Variants in FANCA observed in about 807,000 individuals in gnomAD.
FANCA encodes FA complementation group A, also known as Fanconi anemia group A protein.
FANCA carries 236 observed loss-of-function variants against 194.3 expected under a neutral mutation model. That is an observed-to-expected ratio of 1.21 (90% CI 1.09 to 1.35). The LOEUF is 1.35. Ranked by LOEUF, FANCA falls within the 40% of genes most tolerant of loss-of-function variation. The pLI, the probability that FANCA is intolerant of heterozygous loss-of-function variation, is 0.00. For synonymous variants in FANCA, 1,014 were observed against 715.8 expected (o/e 1.42, Z -6.65); for missense variants, 2,628 against 1,813.9 (o/e 1.45, Z -8.15).
intron 33 of FANCA, among the ~76,000 whole-genome samples, chr16:89,748,092 T>G (rs2038452865): frequency 6.6e-6 from 1 of 152,158 alleles, no homozygotes; most frequent in African/African-American, 2.4e-5. Context: ...TTCTATTTTT[T>G]GTAGAAACAG....
rs780135578 is a variant in FANCA at position 89,791,525 on chromosome 16, G to A, written c.1237C>T (p.Arg413Cys). ...AQQLLEDWVA[R>C]LMAQAFESCQ... ...CTCTCGAATGCCTGGGCCATCAAAC[G>A]CGCCACCCAGTCTAGTTAAGAACCA... Residue 413 changes from arginine to cysteine, a missense_variant, in exon 14 of 43, where the codon CGT becomes TGT. By Grantham distance (180) the Arg-to-Cys change is radical. Coordinates refer to ENST00000389301, the MANE Select transcript of FANCA (RefSeq NM_000135.4). 39 of 1,613,962 alleles carry A rather than the reference G, an allele frequency of 2.4e-5. No homozygotes were observed. The East Asian group carries it at 6.0e-4, about 25-fold the overall frequency.
intron 14 of FANCA, among the ~76,000 whole-genome samples, chr16:89,788,761 C>T (rs6500447): frequency 0.47 from 71,701 of 151,584 alleles, 19,666 homozygotes; most frequent in East Asian, 0.76. Context: ...GATCATGCCA[C>T]TGCACTCCAG....
At position 89,808,299 on chromosome 16, in the gene FANCA, C is replaced by T. The variant is rs1567650751; in HGVS notation, c.591G>A (p.Leu197=). The T allele has an allele frequency of 2.5e-6, 4 of 1,613,820 alleles. No individual in the cohort carries two copies. Among genetic ancestry groups the T allele is most frequent in the African/African-American group, 2.7e-5 (2 of 74,912 alleles). Reference sequence around the variant, plus strand: ...AATCATCATTAGCACGCTACCTTTCCAGCAGCTCTTGCAGGCTCACAATGC... The same window carrying T: ...AATCATCATTAGCACGCTACCTTTCTAGCAGCTCTTGCAGGCTCACAATGC... ...VQGIVSLQEL[L]ESHPDMHAVG... The change falls in exon 6 of 43, where the codon CTG becomes CTA. Residue 197 remains leucine (L), a synonymous_variant. Transcript: ENST00000389301.
At position 89,739,459 on chromosome 16, in the gene FANCA, GCCCTGTGGGTGGAGGTAC is replaced by G. The variant is rs752457319; in HGVS notation, c.4010+1_4010+18del. The stretch of plus-strand genomic sequence containing the variant: ...GGGAAACACTGCCCAGCCCTGACCA[GCCCTGTGGGTGGAGGTAC>G]CTGTAAAAAGCGAAAGGCAGCAGCC... On this transcript the variant is annotated splice_donor_variant and splice_donor_5th_base_variant and intron_variant, in intron 40 of 42. Transcript: ENST00000389301. LOFTEE classifies it high-confidence loss of function. 5.2e-6 allele frequency: 8 copies of G among 1,551,852 alleles called. No homozygotes were observed. The highest frequency in any genetic ancestry group is 7.0e-6 in the Non-Finnish European group (8 of 1,147,734).
At chr16:89,745,935 C>T (rs564381982) in intron 35 of FANCA, among the ~76,000 whole-genome samples, 4 of 152,188 alleles carry the variant, frequency 2.6e-5, no homozygotes, top group Admixed American at 2.6e-4. Flanking sequence ...AGCTACAACT[C>T]GGTGCAAATG....
intron 31 of FANCA, among the ~76,000 whole-genome samples, chr16:89,751,129 G>C (rs1008595301): frequency 6.6e-6 from 1 of 152,164 alleles, no homozygotes; most frequent in African/African-American, 2.4e-5. Context: ...CTGACCTCAA[G>C]TGATCTAGCC....
At chr16:89,763,778 CAA>C (rs767795513) in intron 28 of FANCA, among the ~76,000 whole-genome samples, 9 of 151,656 alleles carry the variant, frequency 5.9e-5, no homozygotes, top group Admixed American at 1.3e-4. Context: ...ACTAAAAATA[CAA>C]AACTTAGCCA....
chr16:89,768,839 C>G (rs1045908227), intron 26 of FANCA, among the ~76,000 whole-genome samples: 1 of 152,176 alleles, frequency 6.6e-6, no homozygotes, highest in South Asian at 2.1e-4. Context: ...CCTGTCTCCC[C>G]CAAGCCACCT....
intron 30 of FANCA, among the ~76,000 whole-genome samples, chr16:89,757,594 G>A (rs567168783): frequency 3.3e-5 from 5 of 152,272 alleles, no homozygotes; most frequent in Admixed American, 3.3e-4. Context: ...AGACATGGGG[G>A]GAAGCTGCAT....
rs947027155 is a variant in FANCA at position 89,745,131 on chromosome 16, C to T, written c.3514-60G>A. On this transcript the variant is annotated intron_variant, in intron 35 of 42. Transcript: ENST00000389301. ...GCTGAGATGGACACACCTCCGCTGCCCCAGCCATGACAAGCCCCCAGTGCT... is the reference window on the plus strand; with the variant it reads ...GCTGAGATGGACACACCTCCGCTGCTCCAGCCATGACAAGCCCCCAGTGCT... 2.4e-4 allele frequency: 363 copies of T among 1,482,612 alleles called. 1 individual carries two copies. The highest frequency in any genetic ancestry group is 3.2e-4 in the Non-Finnish European group (348 of 1,095,654). 91.8% of individuals were successfully genotyped at this position (1,482,612 alleles called of 1,614,324 possible). A position where few individuals can be genotyped will look rare whatever the true frequency, so the allele number is the denominator to read the frequency against.
At chr16:89,761,299 G>A (rs2038943584) in intron 29 of FANCA, among the ~76,000 whole-genome samples, 1 of 151,718 alleles carries the variant, frequency 6.6e-6, no homozygotes, top group Admixed American at 6.6e-5. Flanking sequence ...GGCGCCTGTA[G>A]TCCCAGCTAC....
At chr16:89,739,624 G>T in intron 39 of FANCA, 71 bp from the exon 40 acceptor site, 1 of 1,526,226 alleles carries the variant, frequency 6.6e-7, no homozygotes, top group Non-Finnish European at 8.9e-7. Context: ...GGACACCCCT[G>T]GGGGTCGGGA....
intron 3 of FANCA, among the ~76,000 whole-genome samples, chr16:89,812,658 A>ACAAAC (rs1323684535): frequency 7.4e-5 from 11 of 148,274 alleles, no homozygotes; most frequent in Admixed American, 4.7e-4. Flanking sequence ...AAAAAAAAAA[A>ACAAAC]AAAAAAAAAA....
intron 30 of FANCA, among the ~76,000 whole-genome samples, chr16:89,755,870 G>C (rs1193396953): frequency 2.7e-5 from 4 of 149,544 alleles, no homozygotes; most frequent in Non-Finnish European, 4.5e-5. Flanking sequence ...CCACCGCACA[G>C]ACACAGACCG....
chr16:89,771,535 C>T, intron 23 of FANCA, 143 bp downstream of exon 23: 5 of 895,250 alleles, frequency 5.6e-6, no homozygotes, highest in Non-Finnish European at 8.9e-6. Context: ...CCCTGGTACA[C>T]CGCTGCCTGG....
At chr16:89,815,068 C>G (rs774930451) in intron 2 of FANCA, among the ~76,000 whole-genome samples, 24 of 152,110 alleles carry the variant, frequency 1.6e-4, no homozygotes, top group Non-Finnish European at 3.1e-4. Flanking sequence ...GAGAGGGAGT[C>G]TCACTGTCGT....
At chr16:89,777,354 C>G (rs1282764955) in intron 20 of FANCA, among the ~76,000 whole-genome samples, 1 of 152,134 alleles carries the variant, frequency 6.6e-6, no homozygotes, top group Admixed American at 6.5e-5. Flanking sequence ...TGCATTCCAG[C>G]CTGGGTGACA....
rs762342197 is a variant in FANCA at position 89,782,892 on chromosome 16, G to A, written c.1593C>T (p.Tyr531=). Residue 531 remains tyrosine, a synonymous_variant, in exon 17 of 43, where the codon TAC becomes TAT. Transcript: ENST00000389301. ...TGTCCCCAGCTGATGACAAATCCTC[G>A]TAGAGTCCCATGTTTTCTATAGAAA... The part of the protein sequence containing the change: ...LKVSIENMGL[Y]EDLSSAGDIT... 29 of 1,613,966 alleles carry A rather than the reference G, an allele frequency of 1.8e-5. No individual in the cohort carries two copies. The highest frequency in any genetic ancestry group is 7.7e-5 in the South Asian group (7 of 91,082).
intron 7 of FANCA, among the ~76,000 whole-genome samples, chr16:89,803,693 G>A (rs1241151496): frequency 6.7e-6 from 1 of 148,528 alleles, no homozygotes; most frequent in Non-Finnish European, 1.5e-5. Context: ...GTATGATCTC[G>A]CTCACTGCAA....
Sources: allele counts gnomAD v4.1 joint callset (sites outside exome capture counted in the v4.1 genomes callset), GRCh38; gene constraint gnomAD v4.1.1; transcripts MANE v1.5; gene names NCBI Gene and HGNC (gene_info 2026-07-23, HGNC 2026-07-21).